The following CDH12 variants were observed in gnomAD, a reference collection of about 807,000 sequenced individuals.
CDH12 encodes the protein cadherin-12.
Under a neutral mutation model 74.1 loss-of-function variants are expected in CDH12, and 41 were observed. That is an observed-to-expected ratio of 0.55 (90% confidence interval 0.43 to 0.72). The LOEUF (loss-of-function observed/expected upper bound fraction) is 0.72. Ranked by LOEUF, CDH12 falls within the 30% of genes least tolerant of loss-of-function variation. The pLI is 0.00. For missense variants in CDH12, 945 were observed against 977.2 expected, an observed-to-expected ratio of 0.97 and a Z score of 0.44; for synonymous variants, 399 against 355.0, an observed-to-expected ratio of 1.12 and a Z score of -1.39.
intron 1 of CDH12, among the ~76,000 whole-genome samples, chr5:22,717,026 T>C (rs1482742567): frequency 6.6e-6 from 1 of 152,178 alleles, no homozygotes; most frequent in Non-Finnish European, 1.5e-5. Context: ...AAAATGTTTG[T>C]AAAGTGGAGT....
chr5:21,974,296 A>T (rs535384182), intron 6 of CDH12, among the ~76,000 whole-genome samples: 181 of 152,164 alleles, frequency 1.2e-3, no homozygotes, highest in African/African-American at 4.2e-3. Context: ...ACTTTGAAAT[A>T]AATTGAAGGA....
chr5:22,351,246 T>G (rs1243768408), intron 3 of CDH12, among the ~76,000 whole-genome samples: 1 of 152,136 alleles, frequency 6.6e-6, no homozygotes. Context: ...GGGCAGGTTT[T>G]GGGTACTTCA....
intron 2 of CDH12, among the ~76,000 whole-genome samples, chr5:22,422,533 C>CT (rs1373849112): frequency 2.0e-5 from 3 of 151,998 alleles, no homozygotes; most frequent in Middle Eastern, 3.4e-3. Context: ...CTAAGGTTTC[C>CT]TTTTTTTGTT....
At chr5:21,816,646 A>AAG (rs1748061554) in intron 9 of CDH12, among the ~76,000 whole-genome samples, 1 of 144,410 alleles carries the variant, frequency 6.9e-6, no homozygotes, top group African/African-American at 2.5e-5. Flanking sequence ...AAAAAAAAAA[A>AAG]AAAAAAAGAA....
chr5:22,448,823 T>C (rs1182917018), intron 2 of CDH12, among the ~76,000 whole-genome samples: 1 of 152,050 alleles, frequency 6.6e-6, no homozygotes, highest in Non-Finnish European at 1.5e-5. Context: ...TGTAAGGATT[T>C]GGAGTTTCTT....
In CDH12 at chr5:21,848,321, A is replaced by T. The variant is rs193196438; in HGVS notation, c.647-5993T>A. ...ATTTGGAGGAAACATTAAAAACAGT[A>T]TTTTAATGCACAAATATGTTAGAGA... On this transcript the variant is annotated intron_variant, in intron 7 of 14. Coordinates refer to ENST00000382254, the MANE Select transcript of CDH12 (RefSeq NM_004061.5). Among the ~76,000 whole-genome samples the T allele has an allele frequency of 1.4e-3, 210 of 152,176 alleles. 1 individual carries two copies. Among genetic ancestry groups the T allele is most frequent in the African/African-American group, 4.6e-3 (193 of 41,566 alleles).
At chr5:22,531,908 C>T (rs1737600145) in intron 1 of CDH12, among the ~76,000 whole-genome samples, 1 of 152,078 alleles carries the variant, frequency 6.6e-6, no homozygotes, top group South Asian at 2.1e-4. Context: ...TTTGAGTTTA[C>T]ACCTGGAGAC....
intron 6 of CDH12, among the ~76,000 whole-genome samples, chr5:21,929,375 G>A (rs190655512): frequency 2.6e-4 from 40 of 151,212 alleles, no homozygotes; most frequent in Non-Finnish European, 4.6e-4. Flanking sequence ...TCCCTTCTGG[G>A]GTGATGGGAG....
At chr5:22,661,952 G>A (rs1487770979) in intron 1 of CDH12, among the ~76,000 whole-genome samples, 2 of 150,928 alleles carry the variant, frequency 1.3e-5, no homozygotes, top group African/African-American at 4.9e-5. Flanking sequence ...CACAATTAAA[G>A]GGTGAATATA....
At chr5:22,723,969 A>G (rs1744029840) in intron 1 of CDH12, among the ~76,000 whole-genome samples, 1 of 151,776 alleles carries the variant, frequency 6.6e-6, no homozygotes, top group South Asian at 2.1e-4. Context: ...TCTCTCAACA[A>G]CTTGATTAAT....
intron 7 of CDH12, among the ~76,000 whole-genome samples, chr5:21,845,682 C>A (rs1419464881): frequency 1.3e-5 from 2 of 151,450 alleles, no homozygotes; most frequent in African/African-American, 4.9e-5. Context: ...TGATTTGTTG[C>A]CTGTTTACCT....
At chr5:21,919,681 C>T (rs1754264963) in intron 6 of CDH12, among the ~76,000 whole-genome samples, 1 of 152,116 alleles carries the variant, frequency 6.6e-6, no homozygotes, top group African/African-American at 2.4e-5. Flanking sequence ...GAGAAACGGA[C>T]TGATAAATAC....
chr5:22,401,183 T>A (rs191210682), intron 3 of CDH12, among the ~76,000 whole-genome samples: 47 of 147,572 alleles, frequency 3.2e-4, no homozygotes, highest in African/African-American at 1.1e-3. Flanking sequence ...CCATTGGAAG[T>A]TTTTTCCTGC....
At chr5:21,915,839 T>TGTGC (rs1463335267) in intron 6 of CDH12, among the ~76,000 whole-genome samples, 1 of 150,972 alleles carries the variant, frequency 6.6e-6, no homozygotes, top group Non-Finnish European at 1.5e-5. Context: ...TGTGTGTGTG[T>TGTGC]GTGTGTGTGT....
intron 1 of CDH12, among the ~76,000 whole-genome samples, chr5:22,785,295 T>A (rs1238900606): frequency 6.6e-6 from 1 of 152,178 alleles, no homozygotes; most frequent in African/African-American, 2.4e-5. Context: ...TCTTTTACAT[T>A]GTTATTTATT....
chr5:22,463,299 G>A (rs1459480243), intron 2 of CDH12, among the ~76,000 whole-genome samples: 2 of 152,060 alleles, frequency 1.3e-5, no homozygotes, highest in Non-Finnish European at 2.9e-5. Flanking sequence ...AACAATCAAT[G>A]ATTTATTTCT....
chr5:22,423,481 G>A (rs891148887), intron 2 of CDH12, among the ~76,000 whole-genome samples: 10 of 152,124 alleles, frequency 6.6e-5, no homozygotes, highest in African/African-American at 2.4e-4. Flanking sequence ...AAGTCACTTT[G>A]TGTTTCTTAC....
intron 6 of CDH12, among the ~76,000 whole-genome samples, chr5:21,926,238 G>C (rs1579972402): frequency 1.3e-5 from 2 of 152,160 alleles, no homozygotes; most frequent in African/African-American, 4.8e-5. Flanking sequence ...GTGTTGCAGT[G>C]CCCTGGGAAT....
intron 4 of CDH12, among the ~76,000 whole-genome samples, chr5:22,184,128 C>T (rs1456300377): frequency 1.3e-5 from 2 of 151,800 alleles, no homozygotes; most frequent in Non-Finnish European, 2.9e-5. Flanking sequence ...TTTCTTAACT[C>T]GGTTTTTTTT....
Sources: gnomAD v4.1 joint callset for allele counts (sites outside exome capture counted in the v4.1 genomes callset) on GRCh38, gnomAD v4.1.1 for gene constraint, MANE v1.5 for transcripts, NCBI Gene and HGNC (gene_info 2026-07-23, HGNC 2026-07-21) for gene names.